Variants in SNRNP70 observed in about 807,000 individuals in gnomAD.
The protein encoded by SNRNP70 is U1 small nuclear ribonucleoprotein 70 kDa.
Under a neutral mutation model 50.5 loss-of-function variants are expected in SNRNP70, and 8 were observed. The observed-to-expected ratio is 0.16, with a 90% CI of 0.09 to 0.29. The LOEUF (loss-of-function observed/expected upper bound fraction) is 0.29. Ranked by LOEUF, SNRNP70 falls within the 10% of genes least tolerant of loss-of-function variation. SNRNP70 has a pLI of 1.00. For missense variants in SNRNP70, 529 were observed against 663.5 expected (o/e 0.80, Z 2.23); for synonymous variants, 320 against 252.9 (o/e 1.27, Z -2.52).
At chr19:49,103,025 G>T (rs2040610306) in intron 7 of SNRNP70, 1 of 152,538 alleles carries the variant, frequency 6.6e-6, no homozygotes, top group African/African-American at 2.4e-5. Context: ...CCTCCTCAGA[G>T]CACGGGCAGC....
At chr19:49,102,465 A>G in intron 7 of SNRNP70, 1 of 266,090 alleles carries the variant, frequency 3.8e-6, no homozygotes. Flanking sequence ...CGGCTTCGTG[A>G]TGTCAGCGGC....
At chr19:49,085,753 G>A (rs1218721778) in intron 1 of SNRNP70, 117 bp downstream of exon 1, 7 of 427,978 alleles carry the variant, frequency 1.6e-5, no homozygotes, top group Non-Finnish European at 3.3e-5. Context: ...CCCGCCACAG[G>A]TCCCTTCTGC....
intron 6 of SNRNP70, among the ~76,000 whole-genome samples, chr19:49,099,538 C>T (rs2040554606): frequency 6.7e-6 from 1 of 148,474 alleles, no homozygotes; most frequent in Non-Finnish European, 1.5e-5. Context: ...CGAGACCAGT[C>T]TGACCAACAT....
chr19:49,098,579 ATG>A, intron 5 of SNRNP70, 61 bp from the exon 6 acceptor site: 1 of 1,592,216 alleles, frequency 6.3e-7, no homozygotes, highest in Admixed American at 1.7e-5. Context: ...GTACAGGGGA[ATG>A]TTCCAGGGGC....
chr19:49,088,210 T>C (rs999822124), intron 2 of SNRNP70, among the ~76,000 whole-genome samples: 2 of 147,774 alleles, frequency 1.4e-5, no homozygotes, highest in East Asian at 3.9e-4. Context: ...TTTTTTTTTT[T>C]TTTTTTTTTT....
rs769441095 is a variant in SNRNP70, at chr19:49,107,680, A to G, written c.633A>G (p.Ser211=). The change falls in exon 9 of 10, where the codon TCA becomes TCG. Residue 211 remains serine, a synonymous_variant. Coordinates refer to ENST00000598441, the MANE Select transcript of SNRNP70 (RefSeq NM_003089.6). This position sits in a 1 kb window ranked among gnomAD's most constrained non-coding sequence, Gnocchi z 6.0. Reference sequence around the variant, plus strand: ...GGGCTGATGTGAACATCCGGCATTCAGGCCGCGATGACACCTCCCGCTACG... The same window carrying G: ...GGGCTGATGTGAACATCCGGCATTCGGGCCGCGATGACACCTCCCGCTACG... ...RGGADVNIRH[S]GRDDTSRYDE... is the part of the protein sequence containing the mutation. The G allele has an allele frequency of 9.9e-6, 16 of 1,613,888 alleles. No individual in the cohort carries two copies. The highest frequency in any genetic ancestry group is 1.4e-5 in the Non-Finnish European group (16 of 1,180,010).
At chr19:49,094,092 T>C (rs865979846) in intron 4 of SNRNP70, among the ~76,000 whole-genome samples, 4 of 152,182 alleles carry the variant, frequency 2.6e-5, no homozygotes, top group Non-Finnish European at 4.4e-5. Flanking sequence ...GAACACTGGA[T>C]CATAGATGAG....
chr19:49,094,274 G>A (rs920472851), intron 4 of SNRNP70, among the ~76,000 whole-genome samples: 4 of 152,190 alleles, frequency 2.6e-5, no homozygotes, highest in Admixed American at 2.0e-4. Context: ...GGAGGCTGAG[G>A]TGGGAGGATT....
Position 49,098,506 on chromosome 19 carries a change from C to G in SNRNP70, c.330+15C>G. ...TGGCGAGAGTGGTAAGTCCCCAGCT[C>G]CTAGCTCCTGGAACCCCACGCTGCT... On this transcript the variant is annotated intron_variant, in intron 5 of 9. Coordinates refer to ENST00000598441, the MANE Select transcript of SNRNP70 (RefSeq NM_003089.6). 10 of 1,612,718 alleles carry G rather than the reference C, an allele frequency of 6.2e-6. No individual in the cohort carries two copies. Among genetic ancestry groups the G allele is most frequent in the Non-Finnish European group, 8.5e-6 (10 of 1,178,880 alleles).
rs140154052 is a variant in SNRNP70, at chr19:49,099,384, G to A, written c.393+680G>A. Among the ~76,000 whole-genome samples the A allele has an allele frequency of 3.4e-3, 510 of 152,168 alleles. 6 individuals carry two copies. The highest frequency in any genetic ancestry group is 0.02 in the Middle Eastern group (6 of 294). On this transcript the variant is annotated intron_variant, in intron 6 of 9. Transcript: ENST00000598441. ...GAGGATAGCTTAAACCCAGGAGTTC[G>A]AGACCTGCCTGGGCAATATAGCAAG...
At position 49,107,263 on chromosome 19, in the gene SNRNP70, C is replaced by T. The variant is rs2040683288; in HGVS notation, c.578-362C>T. 6.6e-6 allele frequency among the ~76,000 whole-genome samples: 1 copy of T among 152,170 alleles called. No homozygotes were observed. The highest frequency in any genetic ancestry group is 1.5e-5 in the Non-Finnish European group (1 of 68,036). On this transcript the variant is annotated intron_variant, in intron 8 of 9. Coordinates refer to ENST00000598441, the MANE Select transcript of SNRNP70 (RefSeq NM_003089.6). The surrounding 1 kb of genome is among the most constrained non-coding windows in gnomAD (Gnocchi z 6.0). ...GGGGACGCCAGCAAAGGCTTCTAAG[C>T]AGATCACATTTTTGGGTGGAAAGAT...
In SNRNP70 at chr19:49,090,277, C is replaced by T; in HGVS notation, c.148-14C>T. The T allele has an allele frequency of 6.2e-7, 1 of 1,613,058 alleles. No homozygotes were observed. ...CAGTCCTTCCCACCCTGTCACCTCT[C>T]TTCTTGTTCCCAGGACCCTCGAGAT... On this transcript the variant is annotated splice_polypyrimidine_tract_variant and intron_variant, in intron 2 of 9. Coordinates refer to ENST00000598441, the MANE Select transcript of SNRNP70 (RefSeq NM_003089.6).
chr19:49,104,572 T>G lies in SNRNP70; in HGVS notation c.476-62T>G. ...GGCGGGGATTCTGTAGAGCTGGGCC[T>G]GTCCTGACTAGAGGACCCTCTGGGG... is the stretch of plus-strand genomic sequence containing the variant. On this transcript the variant is annotated intron_variant, in intron 7 of 9. Coordinates refer to ENST00000598441, the MANE Select transcript of SNRNP70 (RefSeq NM_003089.6). This position sits in a 1 kb window ranked among gnomAD's most constrained non-coding sequence, Gnocchi z 5.4. The G allele has an allele frequency of 7.9e-7, 1 of 1,268,166 alleles. No homozygotes were observed. The highest frequency in any genetic ancestry group is 1.1e-6 in the Non-Finnish European group (1 of 890,572). 78.6% of individuals were successfully genotyped at this position (1,268,166 alleles called of 1,614,324 possible).
chr19:49,091,327 T>TCC (rs2040444721), intron 4 of SNRNP70, among the ~76,000 whole-genome samples: 1 of 149,712 alleles, frequency 6.7e-6, no homozygotes, highest in Non-Finnish European at 1.5e-5. Context: ...CGGGATCGCG[T>TCC]CGGCTCACTG....
At position 49,108,354 on chromosome 19, in the gene SNRNP70, G is replaced by A. The variant is rs2040711837; in HGVS notation, c.1225G>A (p.Asp409Asn). The change falls in exon 10 of 10, where the codon GAC becomes AAC. Residue 409 changes from aspartate to asparagine, a missense_variant. Asp to Asn is a conservative substitution (Grantham distance 23, BLOSUM62 1). Transcript: ENST00000598441. ...QDNGLEGLGN[D>N]SRDMYMESEG... Reference sequence around the variant, plus strand: ...CAACGGGCTGGAGGGTCTGGGCAACGACAGCCGAGACATGTACATGGAGTC... The same window carrying A: ...CAACGGGCTGGAGGGTCTGGGCAACAACAGCCGAGACATGTACATGGAGTC... 3 of 1,608,384 alleles carry A rather than the reference G, an allele frequency of 1.9e-6. No individual in the cohort carries two copies. Among genetic ancestry groups the A allele is most frequent in the South Asian group, 1.1e-5 (1 of 90,138 alleles).
At chr19:49,087,463 A>C (rs1225985109) in intron 2 of SNRNP70, among the ~76,000 whole-genome samples, 1 of 152,168 alleles carries the variant, frequency 6.6e-6, no homozygotes, top group African/African-American at 2.4e-5. Flanking sequence ...TCTGTTTACT[A>C]CTTTTATTGT....
chr19:49,097,537 G>A (rs979066401), intron 4 of SNRNP70, among the ~76,000 whole-genome samples: 8 of 152,134 alleles, frequency 5.3e-5, no homozygotes, highest in African/African-American at 1.4e-4. Flanking sequence ...GGCATAAATG[G>A]GTTAATGTTA....
intron 4 of SNRNP70, among the ~76,000 whole-genome samples, chr19:49,096,698 C>T (rs1012690181): frequency 2.0e-5 from 3 of 151,680 alleles, no homozygotes; most frequent in Non-Finnish European, 4.4e-5. Flanking sequence ...ACCCGGGAGG[C>T]GGAGGTTGCA....
rs564880870 is a variant in SNRNP70, at chr19:49,099,916, CTG to C, written c.393+1226_393+1227del. On this transcript the variant is annotated intron_variant, in intron 6 of 9. Coordinates refer to ENST00000598441, the MANE Select transcript of SNRNP70 (RefSeq NM_003089.6). ...ATTAGCCGAGTGTGGTGTCTCGTGC[CTG>C]TGTGTGTGTGTGTATGTGCATGTGT... Among the ~76,000 whole-genome samples the C allele has an allele frequency of 1.8e-3, 270 of 150,290 alleles. 1 individual carries two copies. Among genetic ancestry groups the C allele is most frequent in the African/African-American group, 6.1e-3 (251 of 41,014 alleles).
Sources: gnomAD v4.1 joint callset for allele counts (sites outside exome capture counted in the v4.1 genomes callset) on GRCh38, gnomAD v4.1.1 for gene constraint, Gnocchi (gnomAD v3.1) non-coding constraint, MANE v1.5 for transcripts, NCBI Gene and HGNC (gene_info 2026-07-23, HGNC 2026-07-21) for gene names.